Variants in ZFHX3 observed in about 807,000 individuals in gnomAD.
ZFHX3 encodes the protein zinc finger homeobox 3, also known as zinc finger homeobox protein 3.
A neutral mutation model predicts 279.1 loss-of-function variants in ZFHX3; 42 were observed. The ratio of observed to expected loss-of-function variants is 0.15; its 90% CI spans 0.12 to 0.19. The LOEUF (loss-of-function observed/expected upper bound fraction) is 0.19, where lower values mean the gene tolerates loss of function less well. ZFHX3 is among the 10% of genes least tolerant of loss of function. The pLI, the probability that ZFHX3 is intolerant of heterozygous loss-of-function variation, is 1.00. For synonymous variants in ZFHX3, 2,293 were observed against 1,957.8 expected (o/e 1.17, Z -4.52); for missense variants, 4,981 against 4,754.0 (o/e 1.05, Z -1.40).
intron 1 of ZFHX3, among the ~76,000 whole-genome samples, chr16:73,695,689 T>C (rs1247145658): frequency 2.0e-5 from 3 of 152,200 alleles, no homozygotes; most frequent in Admixed American, 6.5e-5. Flanking sequence ...ATTCGCCCTT[T>C]CCTCCCAGGG....
At chr16:73,490,966 T>C (rs1261603985) in intron 2 of ZFHX3, among the ~76,000 whole-genome samples, 1 of 152,234 alleles carries the variant, frequency 6.6e-6, no homozygotes, top group Non-Finnish European at 1.5e-5. Context: ...CTAATATTTA[T>C]CTCATTACTC....
At position 73,321,618 on chromosome 16, in the gene ZFHX3, A is replaced by G. The variant is rs146528789; in HGVS notation, c.-1290-3282T>C. ...CTATTCACCTATTTTGGAAGGGTCC[A>G]GAATAGGATGCAGCTTGGACATATT... On this transcript the variant is annotated intron_variant, in intron 3 of 17. Coordinates refer to the ZFHX3 transcript ENST00000641206. Among the ~76,000 whole-genome samples, 9 of 152,366 alleles carry G rather than the reference A, an allele frequency of 5.9e-5. No homozygotes were observed. The East Asian group carries it at 1.5e-3, about 26-fold the overall frequency.
intron 2 of ZFHX3, chr16:73,505,016 G>C (rs920986074): frequency 6.6e-5 from 10 of 152,160 alleles, no homozygotes; most frequent in African/African-American, 2.4e-4. Flanking sequence ...GGGGCAATGA[G>C]AAAGGAAGAG....
At chr16:73,251,657 G>C in intron 5 of ZFHX3, among the ~76,000 whole-genome samples, 1 of 151,842 alleles carries the variant, frequency 6.6e-6, no homozygotes, top group African/African-American at 2.4e-5. Context: ...TTAGGGACAA[G>C]AGTAAAACAC....
intron 1 of ZFHX3, among the ~76,000 whole-genome samples, chr16:73,800,452 G>T (rs1255123220): frequency 6.6e-6 from 1 of 151,990 alleles, no homozygotes; most frequent in African/African-American, 2.4e-5. Flanking sequence ...CCTGACCTCA[G>T]GTGATCCATC....
intron 3 of ZFHX3, among the ~76,000 whole-genome samples, chr16:73,339,565 A>G (rs2015988651): frequency 6.6e-6 from 1 of 152,248 alleles, no homozygotes; most frequent in Admixed American, 6.5e-5. Flanking sequence ...TTAAAGTACT[A>G]ATATATTTTT....
At chr16:73,735,904 T>TGTTTGTTTG (rs1447955162) in intron 1 of ZFHX3, among the ~76,000 whole-genome samples, 79 of 151,632 alleles carry the variant, frequency 5.2e-4, no homozygotes, top group Non-Finnish European at 7.2e-4. Flanking sequence ...TTTTTTTTTT[T>TGTTTGTTTG]TTTTTTTTTT....
intron 2 of ZFHX3, among the ~76,000 whole-genome samples, chr16:73,501,004 C>T (rs1240637474): frequency 6.6e-6 from 1 of 152,272 alleles, no homozygotes; most frequent in Non-Finnish European, 1.5e-5. Context: ...TCCATTCCTG[C>T]AAGCTCCCTT....
intron 5 of ZFHX3, among the ~76,000 whole-genome samples, chr16:72,818,253 C>G (rs553399257): frequency 2.0e-5 from 3 of 152,192 alleles, no homozygotes; most frequent in Non-Finnish European, 4.4e-5. Flanking sequence ...GCTTCTCATA[C>G]CTCATGCTCC....
At chr16:73,273,864 C>T (rs888785168) in intron 4 of ZFHX3, among the ~76,000 whole-genome samples, 3 of 152,110 alleles carry the variant, frequency 2.0e-5, no homozygotes, top group Admixed American at 6.5e-5. Flanking sequence ...ATTTGTAGGC[C>T]GGATGCGGTG....
In ZFHX3 at chr16:73,266,919, G is replaced by A. The variant is rs186094242; in HGVS notation, c.-1193-9783C>T. Among the ~76,000 whole-genome samples the A allele has an allele frequency of 4.1e-3, 631 of 152,282 alleles. 1 individual carries two copies. Among genetic ancestry groups the A allele is most frequent in the South Asian group, 0.014 (68 of 4,822 alleles). On this transcript the variant is annotated intron_variant, in intron 4 of 17. Coordinates refer to the ZFHX3 transcript ENST00000641206. Reference sequence around the variant, plus strand: ...TTCTTTATAAATTATCCAGTTTTGCGTATGTCTTTATCAGCAGCATGAAAA... The same window carrying A: ...TTCTTTATAAATTATCCAGTTTTGCATATGTCTTTATCAGCAGCATGAAAA...
intron 1 of ZFHX3, among the ~76,000 whole-genome samples, chr16:73,830,419 T>A (rs1411243418): frequency 6.6e-6 from 1 of 152,142 alleles, no homozygotes; most frequent in African/African-American, 2.4e-5. Context: ...TCGGCCATCT[T>A]GGCTCCTCCC....
chr16:72,843,410 C>G (rs1032618085), intron 4 of ZFHX3, among the ~76,000 whole-genome samples: 1 of 150,254 alleles, frequency 6.7e-6, no homozygotes, highest in East Asian at 2.0e-4. Flanking sequence ...ACTTGGGAGG[C>G]TGAGGCAGGA....
intron 3 of ZFHX3, among the ~76,000 whole-genome samples, chr16:73,452,637 A>C (rs2018296891): frequency 6.6e-6 from 1 of 152,228 alleles, no homozygotes; most frequent in Non-Finnish European, 1.5e-5. Context: ...TAGGAAAACC[A>C]TTCCTACTCC....
At chr16:72,827,890 A>T (rs1167159283) in intron 5 of ZFHX3, among the ~76,000 whole-genome samples, 2 of 152,192 alleles carry the variant, frequency 1.3e-5, no homozygotes, top group Non-Finnish European at 2.9e-5. Context: ...ATTCGGCTGC[A>T]GTATGGCCCT....
At chr16:72,940,788 A>C (rs1960375128) in intron 3 of ZFHX3, among the ~76,000 whole-genome samples, 1 of 152,362 alleles carries the variant, frequency 6.6e-6, no homozygotes, top group Middle Eastern at 3.4e-3. Context: ...CCACTCATTA[A>C]CAGGTTACAA....
At position 73,039,147 on chromosome 16, in the gene ZFHX3, A is replaced by G. The variant is rs1965019947; in HGVS notation, c.-50+8605T>C. On this transcript the variant is annotated intron_variant, in intron 1 of 9. Transcript: ENST00000268489. ...AAAAAAAAAAAAAGTTTGTAGAGAC[A>G]GGGTCTCCCTATGTTGCCCAGGCAG... Among the ~76,000 whole-genome samples the G allele has an allele frequency of 2.7e-5, 4 of 150,320 alleles. No individual in the cohort carries two copies. In the South Asian group the frequency reaches 8.4e-4, roughly 32 times the overall value.
At chr16:72,836,104 T>C (rs569685435) in intron 4 of ZFHX3, among the ~76,000 whole-genome samples, 4 of 152,326 alleles carry the variant, frequency 2.6e-5, no homozygotes, top group African/African-American at 9.6e-5. Context: ...GCTCCCAGCT[T>C]GTTACTTCTA....
At chr16:73,009,094 G>C (rs1371979486) in intron 1 of ZFHX3, among the ~76,000 whole-genome samples, 1 of 152,054 alleles carries the variant, frequency 6.6e-6, no homozygotes, top group Non-Finnish European at 1.5e-5. Flanking sequence ...ACATCTTGTA[G>C]ATCTTGCCTG....
Sources: gnomAD v4.1 joint callset for allele counts (sites outside exome capture counted in the v4.1 genomes callset) on GRCh38, gnomAD v4.1.1 for gene constraint, MANE v1.5 for transcripts, NCBI Gene and HGNC (gene_info 2026-07-23, HGNC 2026-07-21) for gene names.